COIL: variants seen among roughly 807,000 people sequenced by gnomAD.
COIL encodes coilin.
Under a neutral mutation model 51.6 loss-of-function variants are expected in COIL, and 28 were observed. That is an observed-to-expected ratio of 0.54 (90% CI 0.40 to 0.74). The LOEUF is 0.74. Ranked by LOEUF, COIL falls within the 30% of genes least tolerant of loss-of-function variation. The pLI is 0.00. For synonymous variants in COIL, 233 were observed against 255.8 expected (o/e 0.91, Z 0.85); for missense variants, 667 against 685.9 (o/e 0.97, Z 0.31).
chr17:56,949,991 T>C lies in COIL; in HGVS notation c.1251A>G (p.Arg417=), dbSNP rs142882047. The C allele has an allele frequency of 2.0e-5, 32 of 1,614,078 alleles. No individual in the cohort carries two copies. The African/African-American group carries it at 4.1e-4, about 21-fold the overall frequency. ...CACAGGAAACAGGATGCCCTCGTCC[T>C]CGACCTCTCCCCCGCATGCCCCGTC... is the stretch of plus-strand genomic sequence containing the variant. ...AKGRGMRGRG[R]GRGHPVSCVV... Residue 417 remains arginine (R), a synonymous_variant, in exon 2 of 7, where the codon CGA becomes CGG. Transcript: ENST00000240316.
At chr17:56,960,205 C>T (rs142628520) in intron 1 of COIL, among the ~76,000 whole-genome samples, 2,123 of 149,986 alleles carry the variant, frequency 0.014, 15 homozygotes, top group Non-Finnish European at 0.022. Flanking sequence ...GCCTGGGTGA[C>T]AGAATGAGAC....
chr17:56,952,113 C>CG (rs1403793034), intron 1 of COIL: 1 of 419,576 alleles, frequency 2.4e-6, no homozygotes, highest in African/African-American at 2.1e-5. Flanking sequence ...CCAGCCCCAT[C>CG]GTCCAGTTTC....
chr17:56,960,972 C>T lies in COIL; in HGVS notation c.48G>A (p.Pro16=), dbSNP rs150812240. 1.0e-4 allele frequency: 167 copies of T among 1,613,992 alleles called. No homozygotes were observed. Among genetic ancestry groups the T allele is most frequent in the Non-Finnish European group, 1.4e-4 (160 of 1,180,020 alleles). ...TVRLRLQFDY[P]PPATPHCTAF... is the part of the protein sequence containing the mutation. Reference sequence around the variant, plus strand: ...CCGTACAGTGCGGGGTAGCTGGCGGCGGGTAATCAAATTGAAGCCGTAGCC... The same window carrying T: ...CCGTACAGTGCGGGGTAGCTGGCGGTGGGTAATCAAATTGAAGCCGTAGCC... The change falls in exon 1 of 7, where the codon CCG becomes CCA. Residue 16 remains proline (P), a synonymous_variant. Coordinates refer to ENST00000240316, the MANE Select transcript of COIL (RefSeq NM_004645.3).
intron 4 of COIL, 64 bp downstream of exon 4, chr17:56,949,323 G>A: frequency 7.9e-7 from 1 of 1,259,498 alleles, no homozygotes; most frequent in East Asian, 2.3e-5. Flanking sequence ...CATACAAGTA[G>A]TATTAAATAT....
In COIL at chr17:56,949,513, G is replaced by A. The variant is rs551612685; in HGVS notation, c.1441-79C>T. On this transcript the variant is annotated intron_variant, in intron 3 of 6. Transcript: ENST00000240316. ...TCCCACAGCTCCTCCATCATGCCAT[G>A]TTGGCGTGTCCACCCCGACCAGTCT... is the stretch of plus-strand genomic sequence containing the variant. 4 of 1,493,646 alleles carry A rather than the reference G, an allele frequency of 2.7e-6. No individual in the cohort carries two copies. In the African/African-American group the frequency reaches 5.6e-5, roughly 21 times the overall value. 92.5% of individuals were successfully genotyped at this position (1,493,646 alleles called of 1,614,324 possible).
At chr17:56,940,545 C>T (rs1255997676) in intron 6 of COIL, among the ~76,000 whole-genome samples, 1 of 152,084 alleles carries the variant, frequency 6.6e-6, no homozygotes, top group Non-Finnish European at 1.5e-5. Flanking sequence ...TACAGGAGAC[C>T]AGGCCAAATC....
intron 6 of COIL, 26 bp from the exon 7 acceptor site, chr17:56,939,180 T>TTTAGCG (rs1364637808): frequency 2.4e-6 from 3 of 1,257,974 alleles, no homozygotes; most frequent in Non-Finnish European, 3.5e-6. Context: ...AAATACCCAG[T>TTTAGCG]TTAGGCACTT....
intron 6 of COIL, 37 bp from the exon 7 acceptor site, chr17:56,939,191 C>T (rs1370076277): frequency 9.2e-7 from 1 of 1,089,856 alleles, no homozygotes; most frequent in Non-Finnish European, 1.4e-6. Context: ...TTAGGCACTT[C>T]ATTTTGAGGT....
At chr17:56,952,797 G>A (rs2144401406) in intron 1 of COIL, among the ~76,000 whole-genome samples, 1 of 151,062 alleles carries the variant, frequency 6.6e-6, no homozygotes, top group East Asian at 1.9e-4. Context: ...GTATTTGTGT[G>A]TGTGTGTGTG....
chr17:56,950,108 A>T lies in COIL; in HGVS notation c.1134T>A (p.Ala378=). 1.2e-6 allele frequency: 2 copies of T among 1,614,158 alleles called. No homozygotes were observed. Among genetic ancestry groups the T allele is most frequent in the Non-Finnish European group, 1.7e-6 (2 of 1,180,034 alleles). ...RRSGSNGGGQ[A]PGASPSVSLP... ...GAGACACACTGGGAGAAGCACCAGGAGCCTGTCCACCACCATTTGAGCCAG... is the reference window on the plus strand; with the variant it reads ...GAGACACACTGGGAGAAGCACCAGGTGCCTGTCCACCACCATTTGAGCCAG... The change falls in exon 2 of 7, where the codon GCT becomes GCA. Residue 378 remains alanine (A), a synonymous_variant. Transcript: ENST00000240316.
intron 5 of COIL, among the ~76,000 whole-genome samples, chr17:56,943,153 C>A (rs902691079): frequency 3.3e-5 from 5 of 152,192 alleles, no homozygotes; most frequent in Admixed American, 1.3e-4. Flanking sequence ...CAATACAGAG[C>A]AAGCATCTTC....
At chr17:56,948,159 G>A (rs894814248) in intron 4 of COIL, among the ~76,000 whole-genome samples, 2 of 139,746 alleles carry the variant, frequency 1.4e-5, no homozygotes, top group Non-Finnish European at 3.1e-5. Context: ...TTTTGAGATG[G>A]AGTCTCGCTC....
At position 56,949,767 on chromosome 17, in the gene COIL, T is replaced by G. The variant is rs1567852646; in HGVS notation, c.1354A>C (p.Asn452His). The change falls in exon 3 of 7, where the codon AAT becomes CAT. Residue 452 changes from asparagine to histidine, a missense_variant and splice_region_variant. Transcript: ENST00000240316. ...TCCTTCTTGGGTGTCTCTACTGGAT[T>G]CTGAAAAACAGTGTTAGTCATGTGA... ...VVKNSSTIIQ[N>H]PVETPKKDYS... 6.2e-7 allele frequency: 1 copy of G among 1,614,054 alleles called. No individual in the cohort carries two copies. The highest frequency in any genetic ancestry group is 8.5e-7 in the Non-Finnish European group (1 of 1,179,894).
intron 6 of COIL, among the ~76,000 whole-genome samples, chr17:56,941,651 G>T (rs1487485762): frequency 6.6e-6 from 1 of 152,140 alleles, no homozygotes; most frequent in Non-Finnish European, 1.5e-5. Flanking sequence ...CTGGGAGTGG[G>T]TGTTATGTTC....
chr17:56,952,064 C>T, intron 1 of COIL: 1 of 288,784 alleles, frequency 3.5e-6, no homozygotes, highest in Non-Finnish European at 6.6e-6. Flanking sequence ...CTACCTTGGC[C>T]TCTCAAAGTG....
intron 1 of COIL, chr17:56,952,152 T>C (rs1421901626): frequency 8.5e-6 from 4 of 471,526 alleles, no homozygotes; most frequent in African/African-American, 8.0e-5. Flanking sequence ...ATGGTTACAC[T>C]GGCAAATCTG....
At chr17:56,953,236 C>A (rs1910411162) in intron 1 of COIL, among the ~76,000 whole-genome samples, 1 of 151,846 alleles carries the variant, frequency 6.6e-6, no homozygotes, top group African/African-American at 2.4e-5. Flanking sequence ...ACAGTGAAAC[C>A]CCGTCTCTAC....
intron 4 of COIL, among the ~76,000 whole-genome samples, chr17:56,948,758 T>C (rs7213862): frequency 0.43 from 64,710 of 148,808 alleles, 16,811 homozygotes; most frequent in East Asian, 0.62. Context: ...ATTCCACGGA[T>C]AATATTTATG....
At chr17:56,942,158 T>A in intron 5 of COIL, 35 bp from the exon 6 acceptor site, 1 of 1,523,008 alleles carries the variant, frequency 6.6e-7, no homozygotes, top group Non-Finnish European at 9.1e-7. Flanking sequence ...AGAGAGTAAG[T>A]CATTTTTCAA....
Sources: gnomAD v4.1 joint callset for allele counts (sites outside exome capture counted in the v4.1 genomes callset) on GRCh38, gnomAD v4.1.1 for gene constraint, MANE v1.5 for transcripts, NCBI Gene and HGNC (gene_info 2026-07-23, HGNC 2026-07-21) for gene names.